Variants in MALRD1 observed in about 807,000 individuals in gnomAD.
The protein encoded by MALRD1 is MAM and LDL receptor class A domain containing 1, also known as MAM and LDL-receptor class A domain-containing protein 1.
A neutral mutation model predicts 242.1 loss-of-function variants in MALRD1; 247 were observed. That is an observed-to-expected ratio of 1.02 (90% CI 0.92 to 1.13). The LOEUF (loss-of-function observed/expected upper bound fraction) is 1.13, where lower values mean the gene tolerates loss of function less well. Among genes scored for constraint, MALRD1 ranks in the 50% most tolerant of loss-of-function variants. The pLI is 0.00. For synonymous variants in MALRD1, 995 were observed against 866.6 expected (o/e 1.15, Z -2.60); for missense variants, 2,989 against 2,533.1 (o/e 1.18, Z -3.86).
chr10:19,655,459 A>C (rs1841098740), intron 36 of MALRD1, among the ~76,000 whole-genome samples: 1 of 149,924 alleles, frequency 6.7e-6, no homozygotes, highest in Non-Finnish European at 1.5e-5. Context: ...AAGAGCCTAG[A>C]GATCCCAGGA....
intron 29 of MALRD1, among the ~76,000 whole-genome samples, chr10:19,484,898 C>A (rs1282040253): frequency 1.3e-5 from 2 of 152,128 alleles, no homozygotes; most frequent in Non-Finnish European, 2.9e-5. Flanking sequence ...GCACAATTCA[C>A]AATTGCAAAG....
intron 19 of MALRD1, among the ~76,000 whole-genome samples, chr10:19,268,647 C>A (rs1840066495): frequency 6.6e-6 from 1 of 152,070 alleles, no homozygotes. Context: ...TCAAGAAATT[C>A]ATTCAGTAAT....
At chr10:19,229,099 A>G (rs1186074137) in intron 18 of MALRD1, among the ~76,000 whole-genome samples, 1 of 152,128 alleles carries the variant, frequency 6.6e-6, no homozygotes, top group Non-Finnish European at 1.5e-5. Context: ...TGAAATAAAA[A>G]TAAAGTGAAC....
intron 28 of MALRD1, among the ~76,000 whole-genome samples, chr10:19,448,415 A>G (rs1271944000): frequency 6.6e-6 from 1 of 151,818 alleles, no homozygotes; most frequent in Non-Finnish European, 1.5e-5. Flanking sequence ...CTAACCATAA[A>G]CATAATAGTG....
chr10:19,459,886 C>A (rs986517133), intron 29 of MALRD1, among the ~76,000 whole-genome samples: 1 of 151,586 alleles, frequency 6.6e-6, no homozygotes, highest in Admixed American at 6.6e-5. Context: ...AATTATTTGA[C>A]CAGACATTTT....
chr10:19,715,699 A>G (rs1446889495), intron 38 of MALRD1, among the ~76,000 whole-genome samples: 1 of 152,238 alleles, frequency 6.6e-6, no homozygotes, highest in Non-Finnish European at 1.5e-5. Context: ...GCGGTTCTGC[A>G]GGCTGTACAA....
intron 25 of MALRD1, among the ~76,000 whole-genome samples, chr10:19,350,471 T>G (rs1844327018): frequency 6.6e-6 from 1 of 151,872 alleles, no homozygotes; most frequent in South Asian, 2.1e-4. Context: ...AAGACAGGGT[T>G]TCACCAAGTT....
chr10:19,195,141 A>AT (rs1836181386), intron 14 of MALRD1, among the ~76,000 whole-genome samples: 1 of 152,184 alleles, frequency 6.6e-6, no homozygotes, highest in Non-Finnish European at 1.5e-5. Flanking sequence ...AGCAGCGTAC[A>AT]TAGTGTTCAG....
chr10:19,666,944 G>A (rs1284965296), intron 36 of MALRD1, among the ~76,000 whole-genome samples: 1 of 152,144 alleles, frequency 6.6e-6, no homozygotes, highest in Non-Finnish European at 1.5e-5. Flanking sequence ...CTATCAATGA[G>A]GAGCAAATGC....
intron 31 of MALRD1, among the ~76,000 whole-genome samples, chr10:19,520,147 C>T (rs968460135): frequency 1.2e-4 from 19 of 152,216 alleles, no homozygotes; most frequent in Admixed American, 5.2e-4. Flanking sequence ...TAACTTTCCC[C>T]CAACTACACA....
intron 36 of MALRD1, among the ~76,000 whole-genome samples, chr10:19,685,391 G>A (rs1379347410): frequency 1.3e-5 from 2 of 152,250 alleles, no homozygotes; most frequent in South Asian, 4.1e-4. Context: ...CATAGTAGAT[G>A]TTCAATAAAT....
At chr10:19,523,489 C>T (rs1240948184) in intron 31 of MALRD1, among the ~76,000 whole-genome samples, 1 of 152,098 alleles carries the variant, frequency 6.6e-6, no homozygotes, top group Non-Finnish European at 1.5e-5. Context: ...CTCGCATGAC[C>T]ATGAAACAAG....
chr10:19,250,146 T>C (rs1261211270), intron 18 of MALRD1, among the ~76,000 whole-genome samples: 1 of 152,008 alleles, frequency 6.6e-6, no homozygotes, highest in African/African-American at 2.4e-5. Flanking sequence ...TAAATAAGAA[T>C]TTAATTTTGG....
At chr10:19,220,991 C>G (rs1837532285) in intron 18 of MALRD1, among the ~76,000 whole-genome samples, 1 of 152,152 alleles carries the variant, frequency 6.6e-6, no homozygotes, top group Admixed American at 6.6e-5. Flanking sequence ...GTAGATCTCT[C>G]AACTCCAGAG....
intron 29 of MALRD1, among the ~76,000 whole-genome samples, chr10:19,466,717 G>A (rs1836232038): frequency 6.6e-6 from 1 of 152,062 alleles, no homozygotes; most frequent in African/African-American, 2.4e-5. Flanking sequence ...TATTTTTTCA[G>A]AATTTGGAGT....
At chr10:19,552,982 A>G (rs1401901431) in intron 32 of MALRD1, among the ~76,000 whole-genome samples, 5 of 152,156 alleles carry the variant, frequency 3.3e-5, no homozygotes, top group African/African-American at 7.2e-5. Context: ...TATTTATATA[A>G]TACATAAACG....
At chr10:19,243,896 G>A (rs1038293917) in intron 18 of MALRD1, among the ~76,000 whole-genome samples, 10 of 151,826 alleles carry the variant, frequency 6.6e-5, no homozygotes, top group African/African-American at 2.4e-4. Context: ...TTGAGACATA[G>A]GCCATTAACA....
intron 13 of MALRD1, among the ~76,000 whole-genome samples, chr10:19,169,564 T>G (rs922082952): frequency 4.6e-5 from 7 of 152,108 alleles, no homozygotes; most frequent in African/African-American, 4.8e-5. Flanking sequence ...CTTGTATCTC[T>G]CTCCATCCCA....
At chr10:19,719,223 C>T (rs377481493) in intron 38 of MALRD1, among the ~76,000 whole-genome samples, 44,400 of 76,346 alleles carry the variant, frequency 0.58, 12,248 homozygotes, top group South Asian at 0.67. Flanking sequence ...CACATACATA[C>T]ATATATATAT....
Sources: gnomAD v4.1 joint callset for allele counts (sites outside exome capture counted in the v4.1 genomes callset) on GRCh38, gnomAD v4.1.1 for gene constraint, MANE v1.5 for transcripts, NCBI Gene and HGNC (gene_info 2026-07-23, HGNC 2026-07-21) for gene names.